Variants in SAC3D1 observed in about 807,000 individuals in gnomAD.
The protein encoded by SAC3D1 is SAC3 domain-containing protein 1.
A neutral mutation model predicts 12.7 loss-of-function variants in SAC3D1; 10 were observed. That is an observed-to-expected ratio of 0.79 (90% CI 0.49 to 1.34). SAC3D1 has a LOEUF of 1.34. Among genes scored for constraint, SAC3D1 ranks in the 40% most tolerant of loss-of-function variants. The pLI is 0.00. For synonymous variants in SAC3D1, 241 were observed against 250.8 expected (o/e 0.96, Z 0.37); for missense variants, 482 against 531.1 (o/e 0.91, Z 0.91).
chr11:65,041,370 G>A lies in SAC3D1; in HGVS notation c.78G>A (p.Glu26=), dbSNP rs1463669696. The change falls in exon 1 of 2, where the codon GAG becomes GAA. Residue 26 remains glutamate, a synonymous_variant. Transcript: ENST00000652489. ...PAAERAQRER[E]HRLHRLEVVP... is the part of the protein sequence containing the mutation. The stretch of plus-strand genomic sequence containing the variant: ...CCGAGCGCGCCCAGCGCGAAAGGGA[G>A]CACCGCCTGCACCGCTTGGAGGTGG... 9 of 1,504,670 alleles carry A rather than the reference G, an allele frequency of 6.0e-6. No individual in the cohort carries two copies. In the East Asian group the frequency reaches 1.9e-4, roughly 31 times the overall value. The allele number at this position is 1,504,670 out of a possible 1,614,324, so 93.2% of individuals were successfully genotyped here.
In SAC3D1 at chr11:65,041,651, C is replaced by T. The variant is rs1219422770; in HGVS notation, c.359C>T (p.Ala120Val). The T allele has an allele frequency of 2.1e-6, 3 of 1,442,186 alleles. No individual in the cohort carries two copies. The highest frequency in any genetic ancestry group is 2.6e-5 in the Admixed American group (1 of 38,478). 89.3% of individuals were successfully genotyped at this position (1,442,186 alleles called of 1,614,324 possible). A position where few individuals can be genotyped will look rare whatever the true frequency, so the allele number is the denominator to read the frequency against. ...LDLALQGAGD[A>V]EAAVVLEAAL... ...CTGGCGCTGCAGGGAGCGGGCGACGCCGAGGCAGCTGTGGTGCTGGAGGCG... is the reference window on the plus strand; with the variant it reads ...CTGGCGCTGCAGGGAGCGGGCGACGTCGAGGCAGCTGTGGTGCTGGAGGCG... Residue 120 changes from alanine (A) to valine (V), a missense_variant, in exon 1 of 2, where the codon GCC (alanine) becomes GTC (valine). By Grantham distance (64) the Ala-to-Val change is moderately conservative. This residue lies in a region of SAC3D1 where 60 missense variants were observed against 106.9 expected (regional missense o/e 0.56). Transcript: ENST00000652489.
In SAC3D1 at chr11:65,044,501, T is replaced by C. The variant is rs758904152; in HGVS notation, c.851T>C (p.Leu284Pro). 3.1e-6 allele frequency: 5 copies of C among 1,614,124 alleles called. No individual in the cohort carries two copies. The South Asian group carries it at 4.4e-5, about 14-fold the overall frequency. The change falls in exon 2 of 2, where the codon CTG (leucine) becomes CCG (proline). Residue 284 changes from leucine to proline, a missense_variant. By Grantham distance (98) the Leu-to-Pro change is moderately conservative (BLOSUM62 -3). Transcript: ENST00000652489. The surrounding 1 kb of genome is among the most constrained non-coding windows in gnomAD (Gnocchi z 4.0). ...PLGFMVNLLALDGLREARDLC... is the reference protein window; with the variant it reads ...PLGFMVNLLAPDGLREARDLC... ...GGCTTCATGGTCAACCTCTTGGCCC[T>C]GGATGGACTCAGGGAAGCACGGGAC...
chr11:65,044,426 C>A lies in SAC3D1; in HGVS notation c.776C>A (p.Ala259Asp), dbSNP rs747183299. ...GGCCATGCCCGCCGGGAAGCCCTGG[C>A]CCGCTTCGCTCGTGCCTTTAGCACC... ...HVGHARREAL[A>D]RFARAFSTPK... The change falls in exon 2 of 2, where the codon GCC becomes GAC. Residue 259 changes from alanine to aspartate, a missense_variant. Coordinates refer to ENST00000652489, the MANE Select transcript of SAC3D1 (RefSeq NM_013299.4). This position sits in a 1 kb window ranked among gnomAD's most constrained non-coding sequence, Gnocchi z 4.0. The A allele has an allele frequency of 2.5e-6, 4 of 1,613,820 alleles. No individual in the cohort carries two copies. The East Asian group carries it at 8.9e-5, about 36-fold the overall frequency.
At position 65,041,884 on chromosome 11, in the gene SAC3D1, C is replaced by G. The variant is rs535813274; in HGVS notation, c.574+18C>G. ...TAACCTGGGTGAGTCGGGATCCTGG[C>G]GGCTGGGCAGAGCGTGGGGACAGGA... On this transcript the variant is annotated intron_variant, in intron 1 of 1. Coordinates refer to ENST00000652489, the MANE Select transcript of SAC3D1 (RefSeq NM_013299.4). The G allele has an allele frequency of 1.4e-6, 2 of 1,418,406 alleles. No individual in the cohort carries two copies. The highest frequency in any genetic ancestry group is 3.2e-5 in the Admixed American group (1 of 31,068). The allele number at this position is 1,418,406 out of a possible 1,614,324, so 87.9% of individuals were successfully genotyped here. A position where few individuals can be genotyped will look rare whatever the true frequency, so the allele number is the denominator to read the frequency against.
At chr11:65,042,346 T>G (rs1280495221) in intron 1 of SAC3D1, among the ~76,000 whole-genome samples, 1 of 151,930 alleles carries the variant, frequency 6.6e-6, no homozygotes, top group African/African-American at 2.4e-5. Flanking sequence ...CCGCCCACCT[T>G]GGCCTCACAA....
chr11:65,041,446 AAGG>A lies in SAC3D1; in HGVS notation c.157_159del (p.Glu53del), dbSNP rs942261108. 22 of 1,501,024 alleles carry A rather than the reference AAGG, an allele frequency of 1.5e-5. No individual in the cohort carries two copies. The African/African-American group carries it at 2.8e-4, about 19-fold the overall frequency. The allele number at this position is 1,501,024 out of a possible 1,614,324, so 93.0% of individuals were successfully genotyped here. On this transcript the variant is annotated inframe_deletion, in exon 1 of 2. Coordinates refer to ENST00000652489, the MANE Select transcript of SAC3D1 (RefSeq NM_013299.4). ...CCGCGCGGATCCGCAGCGCGCGGTG[AAGG>A]AGTACAGCCGACCCGCCGCCGGCAA...
In SAC3D1 at chr11:65,044,292, C is replaced by CCTGCCCG; in HGVS notation, c.642_643insCTGCCCG (p.Lys215LeufsTer54). On this transcript the variant is annotated frameshift_variant, in exon 2 of 2. Transcript: ENST00000652489. LOFTEE classifies it low-confidence loss of function (END_TRUNC). This position sits in a 1 kb window ranked among gnomAD's most constrained non-coding sequence, Gnocchi z 4.0. ...CCCTGCGCGCCTGCCCGCCCCTCCG[C>CCTGCCCG]AAGGCCTTGGCGGTAGATGCTGCCT... The CCTGCCCG allele has an allele frequency of 6.2e-7, 1 of 1,613,358 alleles. No individual in the cohort carries two copies. The highest frequency in any genetic ancestry group is 8.5e-7 in the Non-Finnish European group (1 of 1,180,030).
In SAC3D1 at chr11:65,041,863, C is replaced by T. The variant is rs753692496; in HGVS notation, c.571C>T (p.Leu191=). 40 of 1,446,188 alleles carry T rather than the reference C, an allele frequency of 2.8e-5. 1 individual carries two copies. The South Asian group carries it at 5.3e-4, about 19-fold the overall frequency. The allele number at this position is 1,446,188 out of a possible 1,614,324, so 89.6% of individuals were successfully genotyped here. A position where few individuals can be genotyped will look rare whatever the true frequency, so the allele number is the denominator to read the frequency against. The change falls in exon 1 of 2, where the codon CTG becomes TTG. Residue 191 remains leucine (L), a synonymous_variant. Coordinates refer to ENST00000652489, the MANE Select transcript of SAC3D1 (RefSeq NM_013299.4). The stretch of plus-strand genomic sequence containing the variant: ...CCAGGGCCTCTTTCTGCTCTATAAC[C>T]TGGGTGAGTCGGGATCCTGGCGGCT... ...AFQGLFLLYN[L]GSVEALHEVL... is the part of the protein sequence containing the mutation.
chr11:65,042,437 C>G (rs1946626693), intron 1 of SAC3D1, among the ~76,000 whole-genome samples: 2 of 151,964 alleles, frequency 1.3e-5, no homozygotes, highest in Admixed American at 1.3e-4. Flanking sequence ...TCAGGGTTAC[C>G]AAGCAAACAA....
intron 1 of SAC3D1, 122 bp downstream of exon 1, chr11:65,041,988 A>G: frequency 2.5e-6 from 3 of 1,217,652 alleles, no homozygotes; most frequent in Non-Finnish European, 3.1e-6. Flanking sequence ...AGGACAGCAC[A>G]AGATCCACCG....
chr11:65,043,138 C>T (rs1297559624), intron 1 of SAC3D1: 2 of 406,554 alleles, frequency 4.9e-6, no homozygotes, highest in African/African-American at 2.1e-5. Context: ...TTATTTTTGT[C>T]CACACTGTTC....
rs762987588 is a variant in SAC3D1, at chr11:65,041,715, G to T, written c.423G>T (p.Gly141=). 1 of 1,309,780 alleles carries T rather than the reference G, an allele frequency of 7.6e-7. No homozygotes were observed. The highest frequency in any genetic ancestry group is 3.2e-5 in the East Asian group (1 of 31,728). 81.1% of individuals were successfully genotyped at this position (1,309,780 alleles called of 1,614,324 possible). A position where few individuals can be genotyped will look rare whatever the true frequency, so the allele number is the denominator to read the frequency against. ...TGCTGACCGTAGTGGCGCGGCTCGG[G>T]CCCGACGCGGCGCGGGGACCCGCGG... The part of the protein sequence containing the change: ...ATLLTVVARL[G]PDAARGPADP... The change falls in exon 1 of 2, where the codon GGG becomes GGT. Residue 141 remains glycine (G), a synonymous_variant. Transcript: ENST00000652489.
In SAC3D1 at chr11:65,041,458, C is replaced by G. The variant is rs769676103; in HGVS notation, c.166C>G (p.Arg56Gly). The change falls in exon 1 of 2, where the codon CGA becomes GGA. Residue 56 changes from arginine to glycine, a missense_variant. Arg to Gly is a moderately radical substitution (Grantham distance 125, BLOSUM62 -2). Coordinates refer to ENST00000652489, the MANE Select transcript of SAC3D1 (RefSeq NM_013299.4). ...GCAGCGCGCGGTGAAGGAGTACAGC[C>G]GACCCGCCGCCGGCAAGCCCCGGCC... Reference protein sequence around the residue: ...DPQRAVKEYSRPAAGKPRPPP... With the variant: ...DPQRAVKEYSGPAAGKPRPPP... 3 of 1,485,298 alleles carry G rather than the reference C, an allele frequency of 2.0e-6. No homozygotes were observed. Among genetic ancestry groups the G allele is most frequent in the Non-Finnish European group, 2.7e-6 (3 of 1,124,346 alleles). 92.0% of individuals were successfully genotyped at this position (1,485,298 alleles called of 1,614,324 possible). A position where few individuals can be genotyped will look rare whatever the true frequency, so the allele number is the denominator to read the frequency against.
At chr11:65,041,158 C>T, upstream of SAC3D1, 1 of 869,478 alleles carries the variant, frequency 1.2e-6, no homozygotes, top group Non-Finnish European at 1.7e-6. Flanking sequence ...GGGATCATGG[C>T]GGGAAGGCGG....
upstream of SAC3D1, chr11:65,041,080 C>A (rs1403395227): frequency 2.2e-5 from 13 of 600,514 alleles, no homozygotes; most frequent in East Asian, 4.6e-4. Context: ...CGCAGTGCAT[C>A]TCGGGAGGCC....
rs148082070 is a variant in SAC3D1 at position 65,042,996 on chromosome 11, C to T, written c.574+1130C>T. On this transcript the variant is annotated intron_variant, in intron 1 of 1. Transcript: ENST00000652489. ...GACCACAGATGTATGCAATCACACC[C>T]GGCTAACTTAAAAAAATTTTTTTTG... 1.9e-3 allele frequency: 789 copies of T among 417,352 alleles called. 5 individuals are homozygous for T. The highest frequency in any genetic ancestry group is 0.015 in the African/African-American group (734 of 48,746). The allele number at this position is 417,352 out of a possible 1,614,324, so 25.9% of individuals were successfully genotyped here. A position where few individuals can be genotyped will look rare whatever the true frequency, so the allele number is the denominator to read the frequency against.
chr11:65,041,897 C>A, intron 1 of SAC3D1, 31 bp downstream of exon 1: 1 of 1,401,956 alleles, frequency 7.1e-7, no homozygotes. Context: ...CTGGGCAGAG[C>A]GTGGGGACAG....
chr11:65,043,964 C>T (rs1003811076), intron 1 of SAC3D1, among the ~76,000 whole-genome samples: 3 of 152,244 alleles, frequency 2.0e-5, no homozygotes, highest in African/African-American at 4.8e-5. Flanking sequence ...TCTGGGCCAG[C>T]TTCCCAAATC....
rs1367289564 is a variant in SAC3D1 at position 65,041,314 on chromosome 11, G to A, written c.22G>A (p.Val8Met). MPGCELP[V>M]GTCPDMCPAA... Reference sequence around the variant, plus strand: ...CCTCATGCCCGGCTGCGAGCTGCCCGTGGGCACCTGCCCGGACATGTGCCC... The same window carrying A: ...CCTCATGCCCGGCTGCGAGCTGCCCATGGGCACCTGCCCGGACATGTGCCC... Residue 8 changes from valine (V) to methionine (M), a missense_variant, in exon 1 of 2, where the codon GTG becomes ATG. By Grantham distance (21) the Val-to-Met change is conservative. Transcript: ENST00000652489. 8.0e-6 allele frequency: 12 copies of A among 1,508,200 alleles called. No homozygotes were observed. Among genetic ancestry groups the A allele is most frequent in the Non-Finnish European group, 1.1e-5 (12 of 1,135,854 alleles). 93.4% of individuals were successfully genotyped at this position (1,508,200 alleles called of 1,614,324 possible). A position where few individuals can be genotyped will look rare whatever the true frequency, so the allele number is the denominator to read the frequency against.
Sources: allele counts gnomAD v4.1 joint callset (sites outside exome capture counted in the v4.1 genomes callset), GRCh38; gene constraint gnomAD v4.1.1; regional missense constraint gnomAD v4.1.1; non-coding constraint Gnocchi (gnomAD v3.1); transcripts MANE v1.5; gene names NCBI Gene and HGNC (gene_info 2026-07-23, HGNC 2026-07-21).